The following SCTR variants were observed in gnomAD, a reference collection of about 807,000 sequenced individuals.
SCTR encodes the protein pancreatic secretin receptor.
SCTR carries 56 observed loss-of-function variants against 60.8 expected under a neutral mutation model. The ratio of observed to expected loss-of-function variants is 0.92; its 90% CI spans 0.74 to 1.15. The LOEUF (loss-of-function observed/expected upper bound fraction) is 1.15. SCTR is among the 50% of genes most tolerant of loss of function. The probability of loss-of-function intolerance (pLI) is 0.00; values close to 1 mark genes in which losing one functional copy is unlikely to be tolerated. For missense variants in SCTR, 562 were observed against 550.4 expected, an observed-to-expected ratio of 1.02 and a Z score of -0.21; for synonymous variants, 202 against 217.0, an observed-to-expected ratio of 0.93 and a Z score of 0.61.
chr2:119,451,512 C>T (rs1051748426), intron 9 of SCTR, among the ~76,000 whole-genome samples: 1 of 152,226 alleles, frequency 6.6e-6, no homozygotes, highest in East Asian at 1.9e-4. Context: ...CATCTCTTCC[C>T]TGGGGCCGCC....
chr2:119,482,785 C>T (rs1011898040), intron 2 of SCTR, among the ~76,000 whole-genome samples: 2 of 152,252 alleles, frequency 1.3e-5, no homozygotes, highest in African/African-American at 4.8e-5. Flanking sequence ...CCTGAGGACC[C>T]TTTACGGACA....
chr2:119,503,869 G>A (rs1298214026), intron 1 of SCTR, among the ~76,000 whole-genome samples: 1 of 152,102 alleles, frequency 6.6e-6, no homozygotes, highest in Non-Finnish European at 1.5e-5. Flanking sequence ...ATGTTAATAG[G>A]GAAAACTGGA....
At chr2:119,497,055 T>C (rs1678377238) in intron 1 of SCTR, among the ~76,000 whole-genome samples, 1 of 152,228 alleles carries the variant, frequency 6.6e-6, no homozygotes. Flanking sequence ...ACTAGACTAC[T>C]ACCCTAGTTC....
intron 8 of SCTR, among the ~76,000 whole-genome samples, 199 bp downstream of exon 8, chr2:119,453,088 C>T (rs1379465111): frequency 6.6e-6 from 1 of 152,196 alleles, no homozygotes; most frequent in Admixed American, 6.5e-5. Flanking sequence ...AAGGCCAGGA[C>T]AGTGCAGGCA....
chr2:119,523,562 C>A (rs1445121490), intron 1 of SCTR, among the ~76,000 whole-genome samples: 1 of 151,812 alleles, frequency 6.6e-6, no homozygotes, highest in Non-Finnish European at 1.5e-5. Flanking sequence ...GAGCGGCAGG[C>A]GGTCCCATCG....
intron 10 of SCTR, among the ~76,000 whole-genome samples, chr2:119,448,316 C>T (rs375449939): frequency 1.3e-5 from 2 of 152,298 alleles, no homozygotes; most frequent in East Asian, 1.9e-4. Context: ...TTTTGGATCA[C>T]GCACTTCCCT....
intron 2 of SCTR, chr2:119,484,691 T>C (rs926156670): frequency 2.6e-5 from 4 of 151,684 alleles, no homozygotes; most frequent in African/African-American, 9.7e-5. Flanking sequence ...TGTTTGTTTT[T>C]TGCCTTTTCT....
chr2:119,459,450 G>T (rs1683511289), intron 7 of SCTR, among the ~76,000 whole-genome samples: 1 of 151,940 alleles, frequency 6.6e-6, no homozygotes, highest in South Asian at 2.1e-4. Flanking sequence ...AGGTTTTACA[G>T]TAGGGGTGTA....
chr2:119,465,775 C>T lies in SCTR; in HGVS notation c.503+14G>A. ...GGAGGGCTGGGGTATGGAGAGCTGG[C>T]AGTGTGTTCTCACCGGAAAGCACAG... On this transcript the variant is annotated intron_variant, in intron 5 of 12. Coordinates refer to ENST00000019103, the MANE Select transcript of SCTR (RefSeq NM_002980.3). The T allele has an allele frequency of 1.3e-6, 2 of 1,576,308 alleles. No homozygotes were observed. Among genetic ancestry groups the T allele is most frequent in the Non-Finnish European group, 1.7e-6 (2 of 1,145,658 alleles).
At chr2:119,515,564 C>T (rs1183206281) in intron 1 of SCTR, among the ~76,000 whole-genome samples, 1 of 152,202 alleles carries the variant, frequency 6.6e-6, no homozygotes, top group Admixed American at 6.5e-5. Context: ...GGTAAATTCA[C>T]TAACTTACTC....
intron 2 of SCTR, among the ~76,000 whole-genome samples, chr2:119,493,847 G>T (rs1271852645): frequency 6.6e-6 from 1 of 151,838 alleles, no homozygotes; most frequent in Non-Finnish European, 1.5e-5. Context: ...CACCATATTG[G>T]TCAAGCTGGT....
chr2:119,519,817 AAAAAAAAAAAG>A (rs1278360616), intron 1 of SCTR, among the ~76,000 whole-genome samples: 2 of 123,636 alleles, frequency 1.6e-5, no homozygotes, highest in Admixed American at 8.3e-5. Context: ...TCTCAAAAAA[AAAAAAAAAAAG>A]AAAAAAAGAA....
At chr2:119,466,277 A>T (rs1410865909) in intron 4 of SCTR, among the ~76,000 whole-genome samples, 1 of 152,188 alleles carries the variant, frequency 6.6e-6, no homozygotes, top group Non-Finnish European at 1.5e-5. Flanking sequence ...AGCTAAAATC[A>T]ATTACTTGCA....
chr2:119,482,262 G>A lies in SCTR; in HGVS notation c.194-3344C>T, dbSNP rs534939367. 3.3e-5 allele frequency among the ~76,000 whole-genome samples: 5 copies of A among 152,206 alleles called. No homozygotes were observed. In the East Asian group the frequency reaches 7.7e-4, roughly 23 times the overall value. ...GTTAGGGGGGATGCTGGCCTAGAGC[G>A]GGGCAGGTGTGGCCTGTTTCTCCCT... On this transcript the variant is annotated intron_variant, in intron 2 of 12. Transcript: ENST00000019103.
At chr2:119,479,000 T>C in intron 2 of SCTR, 82 bp from the exon 3 acceptor site, 3 of 1,573,872 alleles carry the variant, frequency 1.9e-6, no homozygotes, top group Non-Finnish European at 2.6e-6. Flanking sequence ...ACCGACACCC[T>C]TGCCTGCCTG....
At position 119,453,399 on chromosome 2, in the gene SCTR, A is replaced by G. The variant is rs756501558; in HGVS notation, c.791-52T>C. On this transcript the variant is annotated intron_variant, in intron 7 of 12. Coordinates refer to ENST00000019103, the MANE Select transcript of SCTR (RefSeq NM_002980.3). The stretch of plus-strand genomic sequence containing the variant: ...CAGAAGAGAGAGGACTCAATTTTCA[A>G]CACACATATCAGAACAGGACAATTG... 3.6e-6 allele frequency: 5 copies of G among 1,388,602 alleles called. No homozygotes were observed. In the East Asian group the frequency reaches 1.1e-4, roughly 32 times the overall value. 86.0% of individuals were successfully genotyped at this position (1,388,602 alleles called of 1,614,324 possible). A position where few individuals can be genotyped will look rare whatever the true frequency, so the allele number is the denominator to read the frequency against.
At chr2:119,508,449 C>T (rs999762674) in intron 1 of SCTR, among the ~76,000 whole-genome samples, 1 of 114,808 alleles carries the variant, frequency 8.7e-6, no homozygotes, top group Non-Finnish European at 1.6e-5. Flanking sequence ...TGTAGTGATA[C>T]AATCATAGCT....
At chr2:119,487,286 C>T (rs2104878894) in intron 2 of SCTR, 1 of 152,186 alleles carries the variant, frequency 6.6e-6, no homozygotes, top group East Asian at 1.9e-4. Context: ...TTATTCACTT[C>T]AAAACAGTTA....
chr2:119,519,979 T>C (rs1679240858), intron 1 of SCTR, among the ~76,000 whole-genome samples: 1 of 152,068 alleles, frequency 6.6e-6, no homozygotes, highest in African/African-American at 2.4e-5. Flanking sequence ...ATCTGCACCA[T>C]GGGGCTAATA....
Sources: gnomAD v4.1 joint callset for allele counts (sites outside exome capture counted in the v4.1 genomes callset) on GRCh38, gnomAD v4.1.1 for gene constraint, MANE v1.5 for transcripts, NCBI Gene and HGNC (gene_info 2026-07-23, HGNC 2026-07-21) for gene names.